Variants in WIPF3 observed in about 807,000 individuals in gnomAD.
The protein encoded by WIPF3 is WAS/WASL interacting protein family member 3, also known as WAS/WASL-interacting protein family member 3.
A neutral mutation model predicts 38.9 loss-of-function variants in WIPF3; 33 were observed. The ratio of observed to expected loss-of-function variants is 0.85; its 90% CI spans 0.64 to 1.14. The LOEUF is 1.14. Among genes scored for constraint, WIPF3 ranks in the 50% most tolerant of loss-of-function variants. The probability of loss-of-function intolerance (pLI) is 0.00; values close to 1 mark genes in which losing one functional copy is unlikely to be tolerated. For missense variants in WIPF3, 711 were observed against 652.5 expected, an observed-to-expected ratio of 1.09 and a Z score of -0.98; for synonymous variants, 324 against 269.3, an observed-to-expected ratio of 1.20 and a Z score of -1.99.
intron 1 of WIPF3, among the ~76,000 whole-genome samples, chr7:29,824,723 G>A (rs928371857): frequency 1.2e-4 from 18 of 152,086 alleles, no homozygotes; most frequent in African/African-American, 4.4e-4. Context: ...GACGCTGATA[G>A]GTGACACCTG....
chr7:29,867,104 G>C (rs1785400636), intron 2 of WIPF3, among the ~76,000 whole-genome samples: 1 of 152,182 alleles, frequency 6.6e-6, no homozygotes, highest in Non-Finnish European at 1.5e-5. Flanking sequence ...ACATACAAAT[G>C]CCTTCCCATT....
At chr7:29,869,648 C>G (rs1175800985) in intron 2 of WIPF3, among the ~76,000 whole-genome samples, 1 of 152,112 alleles carries the variant, frequency 6.6e-6, no homozygotes, top group Non-Finnish European at 1.5e-5. Flanking sequence ...TACACATGTC[C>G]CAAATCTCTC....
chr7:29,856,578 G>A (rs562293089), intron 2 of WIPF3, among the ~76,000 whole-genome samples: 1 of 152,326 alleles, frequency 6.6e-6, no homozygotes, highest in African/African-American at 2.4e-5. Context: ...CTGCCATGAG[G>A]TGTGAACTTG....
intron 1 of WIPF3, among the ~76,000 whole-genome samples, chr7:29,820,159 T>G (rs1193906750): frequency 6.6e-6 from 1 of 152,086 alleles, no homozygotes; most frequent in Admixed American, 6.5e-5. Context: ...TAGCTTTGCT[T>G]TATTAATTTT....
At position 29,884,365 on chromosome 7, in the gene WIPF3, G is replaced by GCCCCCCCCCCCCCCCCCCCCCCCCCCC; in HGVS notation, c.875_876insCCCCCCCCCCCCCCCCCCCCCCCCCCC (p.Pro295_Leu296insProProProProProProProProPro). ...TGCGCAAGATGCGCAGGAGCCTCCC[G>GCCCCCCCCCCCCCCCCCCCCCCCCCCC]CCCCGCCGCCCCCGCTCCCCCCTTA... On this transcript the variant is annotated inframe_insertion, in exon 5 of 9. Transcript: ENST00000242140. 1 of 573,300 alleles carries GCCCCCCCCCCCCCCCCCCCCCCCCCCC rather than the reference G, an allele frequency of 1.7e-6. No homozygotes were observed. Among genetic ancestry groups the GCCCCCCCCCCCCCCCCCCCCCCCCCCC allele is most frequent in the Non-Finnish European group, 2.3e-6 (1 of 438,926 alleles). 35.5% of individuals were successfully genotyped at this position (573,300 alleles called of 1,614,324 possible).
intron 2 of WIPF3, among the ~76,000 whole-genome samples, chr7:29,863,605 C>G: frequency 6.6e-6 from 1 of 152,200 alleles, no homozygotes; most frequent in Non-Finnish European, 1.5e-5. Flanking sequence ...TATCTATTTT[C>G]AAATCTTACT....
intron 3 of WIPF3, among the ~76,000 whole-genome samples, chr7:29,876,174 T>G (rs1785593047): frequency 6.6e-6 from 1 of 152,254 alleles, no homozygotes. Flanking sequence ...TCCATCCTTT[T>G]CATATGCTAA....
chr7:29,891,593 A>G (rs1786022830), intron 7 of WIPF3, among the ~76,000 whole-genome samples: 1 of 152,166 alleles, frequency 6.6e-6, no homozygotes, highest in Non-Finnish European at 1.5e-5. Context: ...AGGGCCAGCA[A>G]TGGGGGAAGA....
intron 7 of WIPF3, among the ~76,000 whole-genome samples, chr7:29,897,366 T>A (rs746313653): frequency 1.2e-4 from 19 of 152,268 alleles, no homozygotes; most frequent in Non-Finnish European, 2.5e-4. Context: ...AATTCCATTT[T>A]TAATTTTTTG....
intron 2 of WIPF3, among the ~76,000 whole-genome samples, chr7:29,870,427 G>C (rs145110697): frequency 1.3e-5 from 2 of 152,290 alleles, no homozygotes; most frequent in Non-Finnish European, 2.9e-5. Context: ...TGGAGAAGAG[G>C]TGACAGATTT....
intron 2 of WIPF3, among the ~76,000 whole-genome samples, chr7:29,854,859 T>C (rs1340757172): frequency 1.3e-5 from 2 of 152,148 alleles, no homozygotes; most frequent in African/African-American, 4.8e-5. Flanking sequence ...TCACTTCCCA[T>C]GTGAATACAC....
chr7:29,877,642 T>C (rs922810420), intron 3 of WIPF3, among the ~76,000 whole-genome samples: 4 of 152,200 alleles, frequency 2.6e-5, no homozygotes, highest in Non-Finnish European at 5.9e-5. Context: ...AACCACAGAT[T>C]GTCCACATGG....
intron 2 of WIPF3, among the ~76,000 whole-genome samples, chr7:29,845,732 T>A (rs1300207865): frequency 6.6e-6 from 1 of 152,216 alleles, no homozygotes; most frequent in Non-Finnish European, 1.5e-5. Context: ...TGAGGGAGGA[T>A]CTTGGGGCCA....
At chr7:29,833,061 A>G (rs544004228) in intron 1 of WIPF3, among the ~76,000 whole-genome samples, 4 of 152,258 alleles carry the variant, frequency 2.6e-5, no homozygotes, top group Non-Finnish European at 5.9e-5. Flanking sequence ...AATAAGCCAG[A>G]CTCAAACGGA....
chr7:29,837,927 T>G (rs551693369), intron 2 of WIPF3, among the ~76,000 whole-genome samples: 7 of 152,258 alleles, frequency 4.6e-5, no homozygotes, highest in South Asian at 2.1e-4. Flanking sequence ...TAGTTAGTTA[T>G]TTAGTTATTG....
chr7:29,846,429 G>A lies in WIPF3; in HGVS notation c.90+11615G>A, dbSNP rs148743844. On this transcript the variant is annotated intron_variant, in intron 2 of 8. Coordinates refer to ENST00000242140, the MANE Select transcript of WIPF3 (RefSeq NM_001080529.3). ...TTAAAACACAATGGTGGCCAGGCACGTTGGCTCATGCCTGTAATCCCAACA... is the reference window on the plus strand; with the variant it reads ...TTAAAACACAATGGTGGCCAGGCACATTGGCTCATGCCTGTAATCCCAACA... 7.7e-3 allele frequency among the ~76,000 whole-genome samples: 1,178 copies of A among 152,342 alleles called. 19 individuals carry two copies. The highest frequency in any genetic ancestry group is 0.025 in the African/African-American group (1,056 of 41,580).
At chr7:29,832,499 A>G (rs1178131745) in intron 1 of WIPF3, among the ~76,000 whole-genome samples, 3 of 152,182 alleles carry the variant, frequency 2.0e-5, no homozygotes, top group African/African-American at 7.2e-5. Context: ...CAATTTTACT[A>G]TGGTTTTATG....
Position 29,832,464 on chromosome 7 carries a change from C to A in WIPF3, c.-57-2204C>A, listed in dbSNP as rs541260899. The stretch of plus-strand genomic sequence containing the variant: ...ACACTGATGTTACCTGAAAGAAACA[C>A]GTACTACCCCATGAGATCTCTGCTC... On this transcript the variant is annotated intron_variant, in intron 1 of 8. Coordinates refer to ENST00000242140, the MANE Select transcript of WIPF3 (RefSeq NM_001080529.3). Among the ~76,000 whole-genome samples, 6 of 152,282 alleles carry A rather than the reference C, an allele frequency of 3.9e-5. No homozygotes were observed. In the South Asian group the frequency reaches 1.2e-3, roughly 32 times the overall value.
intron 7 of WIPF3, among the ~76,000 whole-genome samples, chr7:29,895,962 G>A (rs1035718975): frequency 2.6e-5 from 4 of 152,134 alleles, no homozygotes; most frequent in East Asian, 1.9e-4. Context: ...ATCCAGAAAC[G>A]AAAGGCCACA....
Sources: allele counts gnomAD v4.1 joint callset (sites outside exome capture counted in the v4.1 genomes callset), GRCh38; gene constraint gnomAD v4.1.1; transcripts MANE v1.5; gene names NCBI Gene and HGNC (gene_info 2026-07-23, HGNC 2026-07-21).